EOGT: variants seen among roughly 807,000 people sequenced by gnomAD.
The protein encoded by EOGT is EGF domain specific O-linked N-acetylglucosamine transferase.
A neutral mutation model predicts 70.5 loss-of-function variants in EOGT; 55 were observed. The ratio of observed to expected loss-of-function variants is 0.78; its 90% CI spans 0.63 to 0.98. EOGT has a LOEUF of 0.98. Ranked by LOEUF, EOGT falls within the 50% of genes least tolerant of loss-of-function variation. The probability of loss-of-function intolerance (pLI) is 0.00; values close to 1 mark genes in which losing one functional copy is unlikely to be tolerated. For synonymous variants in EOGT, 246 were observed against 217.1 expected, an observed-to-expected ratio of 1.13 and a Z score of -1.17; for missense variants, 703 against 641.9, an observed-to-expected ratio of 1.10 and a Z score of -1.03.
rs115878038 is a variant in EOGT at position 68,983,271 on chromosome 3, T to C, written c.1153-399A>G. Among the ~76,000 whole-genome samples, 109 of 152,344 alleles carry C rather than the reference T, an allele frequency of 7.2e-4. 1 individual carries two copies. Among genetic ancestry groups the C allele is most frequent in the African/African-American group, 2.4e-3 (99 of 41,582 alleles). On this transcript the variant is annotated intron_variant, in intron 14 of 17. Transcript: ENST00000383701. ...TTTTTGGGCATCAGAATGCCCAAAA[T>C]GTTCTAGACTTTACCTTAAGAGTTT...
chr3:69,007,514 G>A lies in EOGT; in HGVS notation c.420+199C>T, dbSNP rs867133184. 1.3e-4 allele frequency among the ~76,000 whole-genome samples: 13 copies of A among 101,564 alleles called. 1 individual carries two copies. In the East Asian group the frequency reaches 3.7e-3, roughly 29 times the overall value. The allele number at this position is 101,564 out of a possible 152,430, so 66.6% of individuals were successfully genotyped here. A position where few individuals can be genotyped will look rare whatever the true frequency, so the allele number is the denominator to read the frequency against. ...TAAAAATATAAAAATTAGCGGGGGG[G>A]GGTGGCACGCGCCTGTAATCCAAGC... On this transcript the variant is annotated intron_variant, in intron 6 of 17. Transcript: ENST00000383701.
In EOGT at chr3:68,999,175, C is replaced by A. The variant is rs530145089; in HGVS notation, c.728-1061G>T. On this transcript the variant is annotated intron_variant, in intron 9 of 17. Transcript: ENST00000383701. ...TGGGAAATAGTTACCTAAGTGCCAG[C>A]TTTATTATGAGAAACCCAAAGATAA... Among the ~76,000 whole-genome samples, 3 of 152,180 alleles carry A rather than the reference C, an allele frequency of 2.0e-5. No individual in the cohort carries two copies. The South Asian group carries it at 6.2e-4, about 31-fold the overall frequency.
At chr3:68,995,376 A>T (rs9840292) in intron 10 of EOGT, among the ~76,000 whole-genome samples, 2,836 of 152,260 alleles carry the variant, frequency 0.019, 96 homozygotes, top group African/African-American at 0.066. Flanking sequence ...TCTTTGACCA[A>T]GCGTCCGGGT....
Position 68,976,544 on chromosome 3 carries a change from A to G in EOGT, c.*1074T>C, listed in dbSNP as rs1575696242. ...ATGTAATATAAATTAATATAGTGGC[A>G]TGATTTATTCAGGTTCTCGATGCAT... is the stretch of plus-strand genomic sequence containing the variant. On this transcript the variant is annotated 3_prime_UTR_variant, in exon 18 of 18. Coordinates refer to ENST00000383701, the MANE Select transcript of EOGT (RefSeq NM_001278689.2). 3 of 152,246 alleles carry G rather than the reference A, an allele frequency of 2.0e-5. No homozygotes were observed. In the South Asian group the frequency reaches 6.2e-4, roughly 32 times the overall value. The allele number at this position is 152,246 out of a possible 1,614,324, so 9.4% of individuals were successfully genotyped here.
chr3:69,005,123 A>G lies in EOGT; in HGVS notation c.515+17T>C, dbSNP rs540955313. The G allele has an allele frequency of 1.4e-6, 2 of 1,392,522 alleles. No homozygotes were observed. Among genetic ancestry groups the G allele is most frequent in the Admixed American group, 2.0e-5 (1 of 50,784 alleles). The allele number at this position is 1,392,522 out of a possible 1,614,324, so 86.3% of individuals were successfully genotyped here. ...TTCAGAATTTATACTAGATGTTAAC[A>G]TTAACCACTAAAGTACCTGTCATGA... On this transcript the variant is annotated intron_variant, in intron 7 of 17. Coordinates refer to ENST00000383701, the MANE Select transcript of EOGT (RefSeq NM_001278689.2).
intron 10 of EOGT, 95 bp downstream of exon 10, chr3:68,997,916 A>G (rs1217842841): frequency 2.7e-6 from 2 of 730,944 alleles, no homozygotes; most frequent in African/African-American, 3.6e-5. Flanking sequence ...ATGTTGAAAT[A>G]TATGTGTCTT....
intron 8 of EOGT, among the ~76,000 whole-genome samples, chr3:69,002,267 C>T (rs141756001): frequency 8.5e-4 from 130 of 152,268 alleles, no homozygotes; most frequent in African/African-American, 2.7e-3. Context: ...GCTCCCAAAC[C>T]CTGACCCTCA....
chr3:69,001,750 T>A, intron 8 of EOGT, 36 bp from the exon 9 acceptor site: 1 of 1,418,326 alleles, frequency 7.1e-7, no homozygotes, highest in Non-Finnish European at 9.9e-7. Flanking sequence ...TTCAAACTGA[T>A]TCTCCCAAAC....
chr3:68,977,673 T>C lies in EOGT; in HGVS notation c.1529A>G (p.Asp510Gly). Reference sequence around the variant, plus strand: ...CCACTTTGGGTGTTGCAATACGTGGTCTGCAGCCTGAAGGACAAGATACAT... The same window carrying C: ...CCACTTTGGGTGTTGCAATACGTGGCCTGCAGCCTGAAGGACAAGATACAT... ...EFMYLVLQAA[D>G]HVLQHPKWPF... The change falls in exon 18 of 18, where the codon GAC becomes GGC. Residue 510 changes from aspartate (D) to glycine (G), a missense_variant. Transcript: ENST00000383701. The C allele has an allele frequency of 6.2e-7, 1 of 1,613,986 alleles. No individual in the cohort carries two copies. The highest frequency in any genetic ancestry group is 8.5e-7 in the Non-Finnish European group (1 of 1,179,948).
intron 6 of EOGT, among the ~76,000 whole-genome samples, chr3:69,006,838 T>C (rs184459155): frequency 3.0e-4 from 45 of 152,356 alleles, no homozygotes; most frequent in African/African-American, 1.1e-3. Context: ...ATTTTAATCC[T>C]AGATGTGTAA....
At chr3:68,987,373 GAAA>G (rs11331317) in intron 14 of EOGT, 69 bp downstream of exon 14, 31 of 989,466 alleles carry the variant, frequency 3.1e-5, no homozygotes, top group South Asian at 4.6e-5. Context: ...AACGTAATGT[GAAA>G]AAAAAAAAAA....
chr3:68,984,447 T>C (rs2090745134), intron 14 of EOGT, among the ~76,000 whole-genome samples: 1 of 152,204 alleles, frequency 6.6e-6, no homozygotes, highest in East Asian at 1.9e-4. Flanking sequence ...TCATGACTTC[T>C]AGTTGCACGA....
chr3:68,996,661 T>A (rs1270769166), intron 10 of EOGT, among the ~76,000 whole-genome samples: 3 of 152,158 alleles, frequency 2.0e-5, no homozygotes, highest in African/African-American at 4.8e-5. Context: ...CTTGTCTCCT[T>A]GCACCTGAGC....
At chr3:68,990,251 G>C (rs991430424) in intron 10 of EOGT, among the ~76,000 whole-genome samples, 2 of 151,290 alleles carry the variant, frequency 1.3e-5, no homozygotes, top group Non-Finnish European at 2.9e-5. Flanking sequence ...AAGCAGCTGA[G>C]TTATAGAGCT....
chr3:69,009,591 G>A (rs1575784992), intron 4 of EOGT, 46 bp downstream of exon 4: 2 of 1,493,870 alleles, frequency 1.3e-6, no homozygotes, highest in Admixed American at 1.7e-5. Context: ...TAAGCCAGCT[G>A]AAATTGCATC....
intron 9 of EOGT, among the ~76,000 whole-genome samples, chr3:69,001,395 T>C (rs912818718): frequency 1.3e-5 from 2 of 152,192 alleles, no homozygotes; most frequent in Non-Finnish European, 2.9e-5. Context: ...AGTCCTTTGA[T>C]ATAAATGTGA....
chr3:69,003,530 A>G (rs2091356253), intron 8 of EOGT, among the ~76,000 whole-genome samples: 1 of 152,160 alleles, frequency 6.6e-6, no homozygotes, highest in Admixed American at 6.5e-5. Context: ...GCCTTCTACC[A>G]TGATTGTGAG....
intron 10 of EOGT, among the ~76,000 whole-genome samples, chr3:68,990,246 G>T (rs2090951859): frequency 6.6e-6 from 1 of 151,932 alleles, no homozygotes; most frequent in Non-Finnish European, 1.5e-5. Flanking sequence ...TTGCGAAGCA[G>T]CTGAGTTATA....
chr3:69,001,321 T>G (rs1269683229), intron 9 of EOGT, among the ~76,000 whole-genome samples: 1 of 152,176 alleles, frequency 6.6e-6, no homozygotes, highest in Non-Finnish European at 1.5e-5. Flanking sequence ...AGAAACCAGA[T>G]GAGGTAAATT....
Sources: gnomAD v4.1 joint callset for allele counts (sites outside exome capture counted in the v4.1 genomes callset) on GRCh38, gnomAD v4.1.1 for gene constraint, MANE v1.5 for transcripts, NCBI Gene and HGNC (gene_info 2026-07-23, HGNC 2026-07-21) for gene names.